Variants in DCX observed in about 807,000 individuals in gnomAD.
The protein encoded by DCX is doublecortin.
Under a neutral mutation model 20.9 loss-of-function variants are expected in DCX, and 4 were observed. The ratio of observed to expected loss-of-function variants is 0.19; its 90% CI spans 0.09 to 0.44. DCX has a LOEUF of 0.44. Among genes scored for constraint, DCX ranks in the 20% least tolerant of loss-of-function variants. The pLI is 0.99. For missense variants in DCX, 133 were observed against 296.9 expected (o/e 0.45, Z 4.06); for synonymous variants, 103 against 111.4 (o/e 0.92, Z 0.47).
chrX:111,371,218 C>A (rs984141890), intron 3 of DCX, among the ~76,000 whole-genome samples: 1 of 112,262 alleles, frequency 8.9e-6, no homozygotes, highest in Non-Finnish European at 1.9e-5. Context: ...ATAATACAAA[C>A]CTTTATCAAG....
intron 6 of DCX, among the ~76,000 whole-genome samples, chrX:111,305,702 C>T (rs2095043930): frequency 9.4e-6 from 1 of 106,061 alleles, no homozygotes; most frequent in Non-Finnish European, 1.9e-5. Context: ...TTTCAAAAGA[C>T]AACTACATGA....
chrX:111,368,135 A>C (rs1379774694), intron 3 of DCX, among the ~76,000 whole-genome samples: 4 of 111,181 alleles, frequency 3.6e-5, no homozygotes, highest in Non-Finnish European at 7.5e-5. Context: ...TGTTTTCAAA[A>C]CAGTTTTATT....
At chrX:111,374,674 AC>A (rs1404401992) in intron 3 of DCX, among the ~76,000 whole-genome samples, 7 of 110,140 alleles carry the variant, frequency 6.4e-5, no homozygotes, top group Non-Finnish European at 1.3e-4. Flanking sequence ...CTCAACTAGC[AC>A]CTTTCTCCAC....
In DCX at chrX:111,404,939, T is replaced by A. The variant is rs184868526; in HGVS notation, c.365-3609A>T. ...GCACCTTTACACAGTTGGGTTCCCA[T>A]CCTGCCACAGCTTCCAAGGGCTATT... On this transcript the variant is annotated intron_variant, in intron 2 of 6. Transcript: ENST00000636035. Among the ~76,000 whole-genome samples, 994 of 112,128 alleles carry A rather than the reference T, an allele frequency of 8.9e-3. 8 individuals carry two copies. The highest frequency in any genetic ancestry group is 0.031 in the African/African-American group (946 of 30,878).
At chrX:111,363,607 A>C (rs1460700515) in intron 3 of DCX, among the ~76,000 whole-genome samples, 2 of 110,108 alleles carry the variant, frequency 1.8e-5, no homozygotes, top group African/African-American at 6.6e-5. Context: ...TCTTCACCAC[A>C]AAGGGGCATG....
At chrX:111,337,897 A>C (rs767737897) in intron 3 of DCX, among the ~76,000 whole-genome samples, 1 of 112,312 alleles carries the variant, frequency 8.9e-6, no homozygotes, top group South Asian at 3.7e-4. Context: ...AGTCAGGATT[A>C]CACAAATAAT....
At chrX:111,322,929 G>C (rs1282403196) in intron 5 of DCX, among the ~76,000 whole-genome samples, 1 of 111,985 alleles carries the variant, frequency 8.9e-6, no homozygotes, top group African/African-American at 3.2e-5. Flanking sequence ...AGAAGTAAGA[G>C]TCTTCCTTGT....
At position 111,366,732 on chromosome X, in the gene DCX, G is replaced by T. The variant is rs192136032; in HGVS notation, c.706-33579C>A. Among the ~76,000 whole-genome samples the T allele has an allele frequency of 1.1e-3, 126 of 112,018 alleles. 1 individual carries two copies. The highest frequency in any genetic ancestry group is 3.8e-3 in the African/African-American group (116 of 30,869). On this transcript the variant is annotated intron_variant, in intron 3 of 6. Transcript: ENST00000636035. ...CCTAACCTTAAGAAACATTTAATGA[G>T]TGTTGCATATCAAGCACTGTGCTAG...
chrX:111,304,356 C>T (rs777856624), intron 6 of DCX, among the ~76,000 whole-genome samples: 1 of 112,146 alleles, frequency 8.9e-6, no homozygotes, highest in South Asian at 3.7e-4. Context: ...TGCAACAATC[C>T]AAACAGTGTT....
Position 111,313,880 on chromosome X carries a change from G to A in DCX, c.947-1144C>T, listed in dbSNP as rs1333400216. 3.2e-5 allele frequency among the ~76,000 whole-genome samples: 3 copies of A among 94,864 alleles called. No homozygotes were observed. The Admixed American group carries it at 3.6e-4, about 11-fold the overall frequency. 82.4% of individuals were successfully genotyped at this position (94,864 alleles called of 115,157 possible). On this transcript the variant is annotated intron_variant, in intron 5 of 6. Coordinates refer to ENST00000636035, the MANE Select transcript of DCX (RefSeq NM_001195553.2). ...ATCCTGAGGGTGTGTGGAGAGTGGG[G>A]GAGAGGAAGAGAGAGGGGGAGGGAG... is the stretch of plus-strand genomic sequence containing the variant.
chrX:111,373,289 G>A (rs761055354), intron 3 of DCX, among the ~76,000 whole-genome samples: 7 of 111,700 alleles, frequency 6.3e-5, no homozygotes, highest in Non-Finnish European at 1.3e-4. Context: ...AGGGATGAAG[G>A]AAGAGAGAGA....
intron 6 of DCX, among the ~76,000 whole-genome samples, chrX:111,305,370 C>T (rs1461897089): frequency 8.9e-6 from 1 of 111,777 alleles, no homozygotes; most frequent in South Asian, 3.7e-4. Flanking sequence ...TTATGGGATA[C>T]ATATAGATAG....
Position 111,293,885 on chromosome X carries a change from G to A in DCX, c.*7802C>T, listed in dbSNP as rs900903861. ...ACAGAGCTTGAGAGCCAAAATAATT[G>A]CAAGAGCAGCTCTTTGGCTGCCTGG... On this transcript the variant is annotated 3_prime_UTR_variant, in exon 7 of 7. Coordinates refer to ENST00000636035, the MANE Select transcript of DCX (RefSeq NM_001195553.2). 1.8e-5 allele frequency: 2 copies of A among 113,161 alleles called. No homozygotes were observed. Among genetic ancestry groups the A allele is most frequent in the African/African-American group, 6.4e-5 (2 of 31,094 alleles). 9.3% of individuals were successfully genotyped at this position (113,161 alleles called of 1,213,427 possible).
intron 3 of DCX, among the ~76,000 whole-genome samples, chrX:111,360,558 T>C (rs774145430): frequency 8.1e-5 from 9 of 111,559 alleles, no homozygotes; most frequent in African/African-American, 2.6e-4. Context: ...TAGTCAACAA[T>C]AATTTAATTG....
At chrX:111,410,507 T>C in intron 1 of DCX, 87 bp from the exon 2 acceptor site, 8 of 1,127,225 alleles carry the variant, frequency 7.1e-6, no homozygotes, top group East Asian at 3.0e-5. Context: ...TTTTAAATAT[T>C]AGCCAGATCC....
At chrX:111,324,958 T>C (rs1381599181) in intron 5 of DCX, among the ~76,000 whole-genome samples, 1 of 111,548 alleles carries the variant, frequency 9.0e-6, no homozygotes, top group East Asian at 2.8e-4. Flanking sequence ...ACTATACTGC[T>C]TGCTCCAATC....
chrX:111,324,178 G>T (rs1441375837), intron 5 of DCX, among the ~76,000 whole-genome samples: 2 of 111,600 alleles, frequency 1.8e-5, no homozygotes, highest in Non-Finnish European at 3.8e-5. Context: ...GAAGATCGGG[G>T]CTGGAGAGGT....
At chrX:111,375,874 G>C (rs1387993430) in intron 3 of DCX, among the ~76,000 whole-genome samples, 3 of 112,103 alleles carry the variant, frequency 2.7e-5, no homozygotes, top group Non-Finnish European at 3.8e-5. Context: ...CAACAATCCA[G>C]CTTCCCTTCC....
intron 3 of DCX, among the ~76,000 whole-genome samples, chrX:111,394,261 A>C (rs1329672088): frequency 8.9e-6 from 1 of 112,083 alleles, no homozygotes. Context: ...TGATTCCATT[A>C]TTATTAAATG....
Sources: allele counts gnomAD v4.1 joint callset (sites outside exome capture counted in the v4.1 genomes callset), GRCh38; gene constraint gnomAD v4.1.1; transcripts MANE v1.5; gene names NCBI Gene and HGNC (gene_info 2026-07-23, HGNC 2026-07-21).